Variants in ZNF823 observed in about 807,000 individuals in gnomAD.
ZNF823 encodes zinc finger protein 823.
Under a neutral mutation model 11.4 loss-of-function variants are expected in ZNF823, and 5 were observed. The ratio of observed to expected loss-of-function variants is 0.44; its 90% CI spans 0.23 to 0.92. The LOEUF is 0.92. Ranked by LOEUF, ZNF823 falls within the 40% of genes least tolerant of loss-of-function variation. The pLI, the probability that ZNF823 is intolerant of heterozygous loss-of-function variation, is 0.24. For synonymous variants in ZNF823, 234 were observed against 250.5 expected (o/e 0.93, Z 0.62); for missense variants, 582 against 738.5 (o/e 0.79, Z 2.46).
At chr19:11,738,065 G>T (rs1371130071) in intron 1 of ZNF823, among the ~76,000 whole-genome samples, 1 of 152,210 alleles carries the variant, frequency 6.6e-6, no homozygotes, top group Non-Finnish European at 1.5e-5. Flanking sequence ...CCAGGCTGGA[G>T]GCGAGATTGC....
At chr19:11,728,022 A>ACC (rs1974825723) in intron 1 of ZNF823, among the ~76,000 whole-genome samples, 1 of 151,940 alleles carries the variant, frequency 6.6e-6, no homozygotes, top group Non-Finnish European at 1.5e-5. Context: ...GACTACAGGC[A>ACC]CATGCCACCA....
intron 1 of ZNF823, among the ~76,000 whole-genome samples, chr19:11,738,190 T>C (rs1461928868): frequency 6.6e-6 from 1 of 152,054 alleles, no homozygotes; most frequent in African/African-American, 2.4e-5. Flanking sequence ...GGGGATAAGA[T>C]CTCTTGAGAG....
At chr19:11,731,923 C>T (rs1376048428) in intron 1 of ZNF823, among the ~76,000 whole-genome samples, 1 of 148,962 alleles carries the variant, frequency 6.7e-6, no homozygotes, top group East Asian at 2.0e-4. Context: ...ACAGGAGAAT[C>T]GTTTGAACCC....
intron 3 of ZNF823, 36 bp from the exon 4 acceptor site, chr19:11,723,378 T>C (rs1279691377): frequency 2.0e-6 from 3 of 1,477,266 alleles, no homozygotes; most frequent in East Asian, 2.4e-5. Context: ...TAAAGGTTTG[T>C]TTATAAGTGA....
chr19:11,723,231 A>G lies in ZNF823; in HGVS notation c.303T>C (p.Gly101=), dbSNP rs973934228. The G allele has an allele frequency of 6.2e-7, 1 of 1,613,972 alleles. No homozygotes were observed. The highest frequency in any genetic ancestry group is 8.5e-7 in the Non-Finnish European group (1 of 1,179,986). Reference sequence around the variant, plus strand: ...GACCCAAGACGACTTCTCCACACTCACCACTGTCACATGGATTTACTCGAG... The same window carrying G: ...GACCCAAGACGACTTCTCCACACTCGCCACTGTCACATGGATTTACTCGAG... The part of the protein sequence containing the change: ...NTPRVNPCDS[G]ECGEVVLGHS... The change falls in exon 4 of 4, where the codon GGT becomes GGC. Residue 101 remains glycine (G), a synonymous_variant. Transcript: ENST00000341191.
intron 2 of ZNF823, 148 bp from the exon 3 acceptor site, chr19:11,724,402 A>C: frequency 1.5e-6 from 1 of 663,664 alleles, no homozygotes; most frequent in East Asian, 3.0e-5. Context: ...GCACAGCTCC[A>C]CTCATACATG....
At chr19:11,731,143 T>C in intron 1 of ZNF823, among the ~76,000 whole-genome samples, 1 of 151,540 alleles carries the variant, frequency 6.6e-6, no homozygotes. Flanking sequence ...AGAAACCCTG[T>C]CTCTACTAAA....
At chr19:11,725,409 G>T in intron 1 of ZNF823, 82 bp from the exon 2 acceptor site, 1 of 1,564,084 alleles carries the variant, frequency 6.4e-7, no homozygotes, top group Non-Finnish European at 8.7e-7. Flanking sequence ...AACTTTGCAT[G>T]ATGCTGTGGT....
intron 1 of ZNF823, among the ~76,000 whole-genome samples, chr19:11,725,745 A>G (rs940467378): frequency 3.3e-5 from 5 of 152,158 alleles, no homozygotes; most frequent in African/African-American, 9.7e-5. Context: ...GTGTCTAGGC[A>G]CCGGATCCCA....
intron 1 of ZNF823, among the ~76,000 whole-genome samples, chr19:11,727,156 T>C (rs1039643882): frequency 3.3e-5 from 5 of 152,188 alleles, no homozygotes; most frequent in Non-Finnish European, 7.3e-5. Context: ...AAGAGACTTT[T>C]AGCAGTCAAC....
intron 1 of ZNF823, among the ~76,000 whole-genome samples, chr19:11,734,299 C>T (rs959165566): frequency 1.3e-5 from 2 of 151,950 alleles, no homozygotes; most frequent in African/African-American, 2.4e-5. Flanking sequence ...CACCTAAGTC[C>T]TGTGTGTTCT....
Position 11,738,923 on chromosome 19 carries a change from A to T in ZNF823, c.-104T>A. The T allele has an allele frequency of 6.9e-7, 1 of 1,447,340 alleles. No individual in the cohort carries two copies. The highest frequency in any genetic ancestry group is 9.3e-7 in the Non-Finnish European group (1 of 1,078,170). 89.7% of individuals were successfully genotyped at this position (1,447,340 alleles called of 1,614,324 possible). A position where few individuals can be genotyped will look rare whatever the true frequency, so the allele number is the denominator to read the frequency against. Reference sequence around the variant, plus strand: ...TCCAGGGCGTCTCTCTCTCAGCGCCAGAGCCAGGACTCAGAGCGCAGGGGC... The same window carrying T: ...TCCAGGGCGTCTCTCTCTCAGCGCCTGAGCCAGGACTCAGAGCGCAGGGGC... On this transcript the variant is annotated 5_prime_UTR_variant, in exon 1 of 4. Coordinates refer to ENST00000341191, the MANE Select transcript of ZNF823 (RefSeq NM_001080493.4).
rs1415826908 is a variant in ZNF823, at chr19:11,724,246, A to G, written c.139T>C (p.Trp47Arg). 1 of 1,604,856 alleles carries G rather than the reference A, an allele frequency of 6.2e-7. No individual in the cohort carries two copies. The highest frequency in any genetic ancestry group is 8.5e-7 in the Non-Finnish European group (1 of 1,176,534). Residue 47 changes from tryptophan to arginine, a missense_variant, in exon 3 of 4, where the codon TGG becomes CGG. Physicochemically the swap from Trp to Arg is moderately radical, Grantham distance 101 (BLOSUM62 -3). Around this residue, in one of 3 missense-constraint regions of ZNF823, gnomAD observed 429 missense variants for 553.7 expected, o/e 0.77. Transcript: ENST00000341191. ...IRNLDCIEMK[W>R]EDQNIGDQCQ... The stretch of plus-strand genomic sequence containing the variant: ...TGATCTCCAATGTTCTGGTCCTCCC[A>G]TTTCATTTCTAAAAGGTAGACCCAG...
intron 1 of ZNF823, among the ~76,000 whole-genome samples, chr19:11,733,813 C>T (rs1405477123): frequency 6.6e-6 from 1 of 152,224 alleles, no homozygotes; most frequent in African/African-American, 2.4e-5. Context: ...TTCTCTAAGT[C>T]AGCCCCAACA....
intron 1 of ZNF823, chr19:11,730,766 G>A (rs760384941): frequency 3.3e-5 from 5 of 152,024 alleles, no homozygotes; most frequent in East Asian, 1.9e-4. Context: ...ACATGCCAAC[G>A]GGTTTTCCTA....
At chr19:11,725,476 T>A in intron 1 of ZNF823, 149 bp from the exon 2 acceptor site, 1 of 1,134,770 alleles carries the variant, frequency 8.8e-7, no homozygotes, top group East Asian at 2.6e-5. Flanking sequence ...CTACACTCAC[T>A]TTTTCCCACA....
chr19:11,738,384 C>T (rs1975034495), intron 1 of ZNF823, among the ~76,000 whole-genome samples: 1 of 152,226 alleles, frequency 6.6e-6, no homozygotes, highest in Admixed American at 6.5e-5. Flanking sequence ...CCGTCCCTGT[C>T]CACACCTCTA....
In ZNF823 at chr19:11,722,711, G is replaced by T; in HGVS notation, c.823C>A (p.Pro275Thr). 6.2e-7 allele frequency: 1 copy of T among 1,614,180 alleles called. No homozygotes were observed. The highest frequency in any genetic ancestry group is 8.5e-7 in the Non-Finnish European group (1 of 1,180,030). Residue 275 changes from proline (P) to threonine (T), a missense_variant, in exon 4 of 4, where the codon CCC becomes ACC. Transcript: ENST00000341191. The surrounding 1 kb of genome is among the most constrained non-coding windows in gnomAD (Gnocchi z 5.2). The part of the protein sequence containing the change: ...RHERTHTGEK[P>T]YKCTQCGKAF... ...TTCCCACATTGTGTACATTTATAGG[G>T]TTTCTCTCCGGTGTGAGTTCTCTCA... is the stretch of plus-strand genomic sequence containing the variant.
intron 1 of ZNF823, among the ~76,000 whole-genome samples, chr19:11,728,661 T>C (rs1974839474): frequency 6.6e-6 from 1 of 152,268 alleles, no homozygotes; most frequent in South Asian, 2.1e-4. Context: ...AAGAAACAAG[T>C]AGACTTACTA....
Sources: gnomAD v4.1 joint callset for allele counts (sites outside exome capture counted in the v4.1 genomes callset) on GRCh38, gnomAD v4.1.1 for gene constraint, gnomAD v4.1.1 regional missense constraint, Gnocchi (gnomAD v3.1) non-coding constraint, MANE v1.5 for transcripts, NCBI Gene and HGNC (gene_info 2026-07-23, HGNC 2026-07-21) for gene names.